Variants in KAT6B observed in about 807,000 individuals in gnomAD.
KAT6B encodes the protein lysine acetyltransferase 6B, also known as histone acetyltransferase KAT6B.
KAT6B carries 10 observed loss-of-function variants against 187.5 expected under a neutral mutation model. That is an observed-to-expected ratio of 0.05 (90% confidence interval 0.03 to 0.09). The LOEUF (loss-of-function observed/expected upper bound fraction) is 0.09, where lower values mean the gene tolerates loss of function less well. Ranked by LOEUF, KAT6B falls within the 10% of genes least tolerant of loss-of-function variation. The pLI is 1.00. For missense variants in KAT6B, 1,952 were observed against 2,558.9 expected, an observed-to-expected ratio of 0.76 and a Z score of 5.12; for synonymous variants, 861 against 926.8, an observed-to-expected ratio of 0.93 and a Z score of 1.29.
intron 13 of KAT6B, among the ~76,000 whole-genome samples, chr10:75,005,963 C>T (rs530848835): frequency 2.0e-5 from 3 of 152,108 alleles, no homozygotes; most frequent in South Asian, 2.1e-4. Flanking sequence ...CACAATTACA[C>T]GGCAGAAGGT....
At chr10:74,850,731 A>G (rs1304503505) in intron 3 of KAT6B, among the ~76,000 whole-genome samples, 1 of 152,262 alleles carries the variant, frequency 6.6e-6, no homozygotes, top group Non-Finnish European at 1.5e-5. Flanking sequence ...GGAAAGTCAC[A>G]TATTCTAAGA....
rs747180648 is a variant in KAT6B at position 75,022,160 on chromosome 10, G to C, written c.3301G>C (p.Glu1101Gln). The change falls in exon 16 of 18, where the codon GAA becomes CAA. Residue 1101 changes from glutamate to glutamine, a missense_variant. Glu to Gln is a conservative substitution (Grantham distance 29). Transcript: ENST00000287239. ...GGAGGAAGAAGAGGAAGAAGAAGAA[G>C]AAGAAGAAGAAAATATTCAAAGCTC... ...EEEEEEEEEEEEEENIQSSPP... is the reference protein window; with the variant it reads ...EEEEEEEEEEQEEENIQSSPP... 2 of 1,613,396 alleles carry C rather than the reference G, an allele frequency of 1.2e-6. No individual in the cohort carries two copies. Among genetic ancestry groups the C allele is most frequent in the Non-Finnish European group, 1.7e-6 (2 of 1,179,930 alleles).
Position 75,030,710 on chromosome 10 carries a change from A to G in KAT6B, c.5886A>G (p.Gln1962=), listed in dbSNP as rs1564633548. The G allele has an allele frequency of 1.2e-6, 2 of 1,614,194 alleles. No homozygotes were observed. Among genetic ancestry groups the G allele is most frequent in the African/African-American group, 1.3e-5 (1 of 75,050 alleles). The part of the protein sequence containing the change: ...MQGPARTLTM[Q]RGMNMSVNLM... The stretch of plus-strand genomic sequence containing the variant: ...GTCCTGCACGGACTTTAACGATGCA[A>G]AGAGGCATGAACATGAGTGTGAACC... Residue 1962 remains glutamine, a synonymous_variant, in exon 18 of 18, where the codon CAA becomes CAG. Transcript: ENST00000287239. The surrounding 1 kb of genome is among the most constrained non-coding windows in gnomAD (Gnocchi z 4.8).
At position 74,975,527 on chromosome 10, in the gene KAT6B, G is replaced by T; in HGVS notation, c.1190G>T (p.Ser397Ile). ...GCTGCATCTGGGAAGGACTCAAGCAGCAGATTGGCTGTTACAGACCCCACT... is the reference window on the plus strand; with the variant it reads ...GCTGCATCTGGGAAGGACTCAAGCATCAGATTGGCTGTTACAGACCCCACT... ...GHAASGKDSS[S>I]RLAVTDPTRP... Residue 397 changes from serine (S) to isoleucine (I), a missense_variant, in exon 8 of 18, where the codon AGC (serine) becomes ATC (isoleucine). By Grantham distance (142) the Ser-to-Ile change is moderately radical (BLOSUM62 -2). Transcript: ENST00000287239. 1 of 1,614,064 alleles carries T rather than the reference G, an allele frequency of 6.2e-7. No homozygotes were observed. Among genetic ancestry groups the T allele is most frequent in the Non-Finnish European group, 8.5e-7 (1 of 1,180,026 alleles).
intron 13 of KAT6B, among the ~76,000 whole-genome samples, chr10:75,019,549 T>C (rs1845225827): frequency 6.6e-6 from 1 of 152,212 alleles, no homozygotes; most frequent in Admixed American, 6.5e-5. Flanking sequence ...TATGGAGCCG[T>C]ATGATTTTGT....
intron 13 of KAT6B, among the ~76,000 whole-genome samples, chr10:75,005,881 A>C (rs1362861273): frequency 6.6e-6 from 1 of 152,184 alleles, no homozygotes; most frequent in Non-Finnish European, 1.5e-5. Context: ...AAAGTGTATA[A>C]AAATGGTTGG....
intron 1 of KAT6B, among the ~76,000 whole-genome samples, chr10:74,831,836 T>C (rs1840886353): frequency 6.6e-6 from 1 of 152,222 alleles, no homozygotes; most frequent in Non-Finnish European, 1.5e-5. Context: ...AACAGAGACT[T>C]AGATTGATTT....
intron 13 of KAT6B, among the ~76,000 whole-genome samples, chr10:75,008,841 G>T (rs1844397659): frequency 6.6e-6 from 1 of 152,086 alleles, no homozygotes; most frequent in African/African-American, 2.4e-5. Flanking sequence ...GATTTACTTT[G>T]AAATACCTCC....
At chr10:74,833,673 CAT>C (rs1447915883) in intron 1 of KAT6B, among the ~76,000 whole-genome samples, 16 of 152,074 alleles carry the variant, frequency 1.1e-4, no homozygotes, top group Non-Finnish European at 1.5e-5. Flanking sequence ...AGTTTAATGA[CAT>C]AACAAGGATA....
At chr10:74,949,699 G>A (rs1407114888) in intron 3 of KAT6B, among the ~76,000 whole-genome samples, 1 of 152,110 alleles carries the variant, frequency 6.6e-6, no homozygotes, top group African/African-American at 2.4e-5. Flanking sequence ...TTATGGCTAA[G>A]CTTTATTATT....
intron 6 of KAT6B, among the ~76,000 whole-genome samples, chr10:74,970,998 A>G (rs1436539373): frequency 1.3e-5 from 2 of 152,264 alleles, no homozygotes; most frequent in South Asian, 2.1e-4. Flanking sequence ...TGTTGGTACA[A>G]TATTTTTACA....
chr10:74,830,756 ATATATATATATATTTTTTTTTTTTTT>A (rs1308397540), intron 1 of KAT6B, among the ~76,000 whole-genome samples: 2 of 25,992 alleles, frequency 7.7e-5, no homozygotes, highest in Non-Finnish European at 1.2e-4. Context: ...ATATATATAT[ATATATATATATATTTTTTTTTTTTTT>A]TTTTTTTTTT....
At chr10:74,961,614 A>G (rs1462115960) in intron 4 of KAT6B, among the ~76,000 whole-genome samples, 1 of 152,184 alleles carries the variant, frequency 6.6e-6, no homozygotes, top group African/African-American at 2.4e-5. Context: ...TTCACAGGGT[A>G]TAAAGGTGTA....
rs1272278674 is a variant in KAT6B, at chr10:74,982,084, TTATC to T, written c.2373+159_2373+162del. 21 of 665,502 alleles carry T rather than the reference TTATC, an allele frequency of 3.2e-5. No homozygotes were observed. The East Asian group carries it at 5.6e-4, about 18-fold the overall frequency. The allele number at this position is 665,502 out of a possible 1,614,324, so 41.2% of individuals were successfully genotyped here. A position where few individuals can be genotyped will look rare whatever the true frequency, so the allele number is the denominator to read the frequency against. ...AAAACATCTCCATGTTTTGGAATGTTTATCTAACCATATTAAGCAACCATTTAGA... is the reference window on the plus strand; with the variant it reads ...AAAACATCTCCATGTTTTGGAATGTTTAACCATATTAAGCAACCATTTAGA... On this transcript the variant is annotated intron_variant, in intron 11 of 17. Coordinates refer to ENST00000287239, the MANE Select transcript of KAT6B (RefSeq NM_012330.4).
At chr10:74,993,414 C>G (rs373737640) in intron 13 of KAT6B, among the ~76,000 whole-genome samples, 2 of 152,208 alleles carry the variant, frequency 1.3e-5, no homozygotes, top group Non-Finnish European at 2.9e-5. Flanking sequence ...TCTCTTCTCT[C>G]TCATATTTTC....
chr10:74,899,971 A>G (rs1010290716), intron 3 of KAT6B, among the ~76,000 whole-genome samples: 10 of 152,318 alleles, frequency 6.6e-5, no homozygotes, highest in African/African-American at 2.4e-4. Context: ...TCTCTAGGTA[A>G]GTGTTCTATA....
At chr10:74,968,188 T>C (rs1841606993) in intron 4 of KAT6B, among the ~76,000 whole-genome samples, 1 of 152,126 alleles carries the variant, frequency 6.6e-6, no homozygotes, top group Admixed American at 6.5e-5. Flanking sequence ...TTGTTTGCCG[T>C]TCCTGAGCAG....
chr10:74,879,160 C>T (rs1323821454), intron 3 of KAT6B, among the ~76,000 whole-genome samples: 1 of 152,172 alleles, frequency 6.6e-6, no homozygotes, highest in East Asian at 1.9e-4. Context: ...CGGTTTGCAT[C>T]AGTCACTCTA....
intron 3 of KAT6B, among the ~76,000 whole-genome samples, chr10:74,927,323 G>A (rs1848577887): frequency 6.6e-6 from 1 of 152,090 alleles, no homozygotes; most frequent in Non-Finnish European, 1.5e-5. Flanking sequence ...GCAGATTGGG[G>A]CCTCACTGTT....
Sources: gnomAD v4.1 joint callset for allele counts (sites outside exome capture counted in the v4.1 genomes callset) on GRCh38, gnomAD v4.1.1 for gene constraint, Gnocchi (gnomAD v3.1) non-coding constraint, MANE v1.5 for transcripts, NCBI Gene and HGNC (gene_info 2026-07-23, HGNC 2026-07-21) for gene names.